The following SLC38A4 variants were observed in gnomAD, a reference collection of about 807,000 sequenced individuals.
SLC38A4 encodes solute carrier family 38 member 4.
A neutral mutation model predicts 63.1 loss-of-function variants in SLC38A4; 20 were observed. That is an observed-to-expected ratio of 0.32 (90% CI 0.22 to 0.46). The LOEUF (loss-of-function observed/expected upper bound fraction) is 0.46, where lower values mean the gene tolerates loss of function less well. SLC38A4 is among the 20% of genes least tolerant of loss of function. SLC38A4 has a pLI of 1.00. For missense variants in SLC38A4, 526 were observed against 663.6 expected (o/e 0.79, Z 2.28); for synonymous variants, 230 against 225.5 (o/e 1.02, Z -0.18).
At chr12:46,799,526 G>A (rs1939087322) in intron 2 of SLC38A4, among the ~76,000 whole-genome samples, 2 of 152,090 alleles carry the variant, frequency 1.3e-5, no homozygotes, top group East Asian at 1.9e-4. Flanking sequence ...TGAACCCGGG[G>A]TCGGAGGTTG....
At chr12:46,812,048 G>A (rs1445015918) in intron 1 of SLC38A4, among the ~76,000 whole-genome samples, 2 of 151,928 alleles carry the variant, frequency 1.3e-5, no homozygotes, top group African/African-American at 4.8e-5. Context: ...CAATGCTTAA[G>A]TTAATTATAT....
At chr12:46,780,210 C>T (rs1172032296) in intron 7 of SLC38A4, among the ~76,000 whole-genome samples, 180 bp from the exon 8 acceptor site, 4 of 152,022 alleles carry the variant, frequency 2.6e-5, no homozygotes, top group Non-Finnish European at 4.4e-5. Context: ...CCTTCCAGCT[C>T]TTTCAGGTGG....
chr12:46,785,287 C>T (rs1938734815), intron 5 of SLC38A4, 110 bp from the exon 6 acceptor site: 4 of 865,154 alleles, frequency 4.6e-6, no homozygotes, highest in Non-Finnish European at 5.5e-6. Context: ...ATCAGCTTTC[C>T]AAAAGTATGT....
Position 46,815,094 on chromosome 12 carries a change from A to G in SLC38A4, c.-305+10809T>C, listed in dbSNP as rs142826557. 2.4e-3 allele frequency among the ~76,000 whole-genome samples: 369 copies of G among 151,812 alleles called. 2 individuals carry two copies. The highest frequency in any genetic ancestry group is 4.1e-3 in the Non-Finnish European group (278 of 67,848). On this transcript the variant is annotated intron_variant, in intron 1 of 16. Transcript: ENST00000266579. ...AAACAATTTTCTTCCAAAGCTTTGC[A>G]TTATCTCATGTAATCACAGTTATTC...
chr12:46,771,155 A>G (rs1938408058), intron 14 of SLC38A4, among the ~76,000 whole-genome samples: 1 of 152,150 alleles, frequency 6.6e-6, no homozygotes, highest in South Asian at 2.1e-4. Context: ...TGAGGAAAGC[A>G]AATGGTGTGA....
At chr12:46,815,264 TATATATATATATATATATATACACACAC>T (rs1372191682) in intron 1 of SLC38A4, among the ~76,000 whole-genome samples, 2 of 129,640 alleles carry the variant, frequency 1.5e-5, no homozygotes, top group African/African-American at 6.2e-5. Context: ...TATATATATA[TATATATATATATATATATATACACACAC>T]ACACACACAC....
rs1405651299 is a variant in SLC38A4, at chr12:46,778,315, G to A, written c.1047C>T (p.Val349=). ...LVFAFVCHPE[V]LPIYSELKDR... is the part of the protein sequence containing the mutation. Reference sequence around the variant, plus strand: ...CTTTAAGTTCACTGTAGATGGGAAGGACCTCAGGGTGGCATACAAAAGCAA... The same window carrying A: ...CTTTAAGTTCACTGTAGATGGGAAGAACCTCAGGGTGGCATACAAAAGCAA... The change falls in exon 12 of 17, where the codon GTC becomes GTT. Residue 349 remains valine (V), a synonymous_variant. Transcript: ENST00000266579. The A allele has an allele frequency of 2.5e-6, 4 of 1,612,512 alleles. No individual in the cohort carries two copies. Among genetic ancestry groups the A allele is most frequent in the African/African-American group, 1.3e-5 (1 of 74,788 alleles).
chr12:46,769,493 T>A, intron 14 of SLC38A4, 65 bp from the exon 15 acceptor site: 1 of 1,532,340 alleles, frequency 6.5e-7, no homozygotes, highest in Non-Finnish European at 9.0e-7. Flanking sequence ...TTACTTCAAA[T>A]ATTCTCATCA....
intron 12 of SLC38A4, among the ~76,000 whole-genome samples, chr12:46,777,912 G>A (rs1007278002): frequency 1.2e-4 from 18 of 151,964 alleles, no homozygotes; most frequent in Non-Finnish European, 1.5e-5. Flanking sequence ...GGCTTATCGA[G>A]GCTGCCCCTA....
Position 46,779,875 on chromosome 12 carries a change from GACAA to G in SLC38A4, c.576-17_576-14del. The G allele has an allele frequency of 4.3e-6, 7 of 1,611,416 alleles. No homozygotes were observed. The highest frequency in any genetic ancestry group is 5.9e-6 in the Non-Finnish European group (7 of 1,178,294). On this transcript the variant is annotated splice_polypyrimidine_tract_variant and intron_variant, in intron 8 of 16. Transcript: ENST00000266579. ...GAGGTACCATTCTCTAGAAGTGAGA[GACAA>G]GGATATTAGAATCAGAAAAGACCAA...
intron 2 of SLC38A4, among the ~76,000 whole-genome samples, chr12:46,798,795 AT>A (rs1160017583): frequency 1.3e-5 from 2 of 151,846 alleles, no homozygotes; most frequent in Non-Finnish European, 2.9e-5. Context: ...GGTGAGTACA[AT>A]TTTTTTTCTT....
At chr12:46,769,236 T>A in intron 15 of SLC38A4, 48 bp downstream of exon 15, 1 of 1,602,336 alleles carries the variant, frequency 6.2e-7, no homozygotes, top group Non-Finnish European at 8.5e-7. Flanking sequence ...CATCATTTAA[T>A]GAGGCGTGAG....
At chr12:46,773,073 T>C (rs1938450202) in intron 14 of SLC38A4, among the ~76,000 whole-genome samples, 4 of 152,112 alleles carry the variant, frequency 2.6e-5, no homozygotes. Flanking sequence ...GAGGACTTGA[T>C]TGAGATCCAC....
rs1202572955 is a variant in SLC38A4, at chr12:46,776,952, G to A, written c.1126C>T (p.Leu376Phe). The A allele has an allele frequency of 1.6e-5, 26 of 1,611,960 alleles. No individual in the cohort carries two copies. Among genetic ancestry groups the A allele is most frequent in the Middle Eastern group, 1.6e-4 (1 of 6,068 alleles). Residue 376 changes from leucine (L) to phenylalanine (F), a missense_variant, in exon 13 of 17, where the codon CTT becomes TTT. Transcript: ENST00000266579. ...TVSNISITGM[L>F]VMYLLAALFG... ...AGGGCGGCAAGCAGGTACATGACAA[G>A]CATCCCCGTGATGGAAATATTTGAC...
At chr12:46,776,855 C>T in intron 13 of SLC38A4, 49 bp downstream of exon 13, 1 of 1,537,818 alleles carries the variant, frequency 6.5e-7, no homozygotes, top group Non-Finnish European at 9.0e-7. Flanking sequence ...GGTCAAGGAC[C>T]AGCCTAACAA....
intron 16 of SLC38A4, among the ~76,000 whole-genome samples, chr12:46,767,057 G>T (rs1384150192): frequency 1.3e-5 from 2 of 151,906 alleles, no homozygotes; most frequent in African/African-American, 4.8e-5. Flanking sequence ...CAAGATGATG[G>T]AATACCCTGT....
chr12:46,806,319 A>T (rs145089407), intron 1 of SLC38A4, among the ~76,000 whole-genome samples: 1 of 152,074 alleles, frequency 6.6e-6, no homozygotes, highest in African/African-American at 2.4e-5. Flanking sequence ...AGACTGCAAA[A>T]GGTGTTAAGT....
intron 5 of SLC38A4, among the ~76,000 whole-genome samples, 192 bp downstream of exon 5, chr12:46,787,724 C>T (rs969475596): frequency 1.3e-5 from 2 of 152,174 alleles, no homozygotes; most frequent in African/African-American, 4.8e-5. Flanking sequence ...GGCGAGGCTG[C>T]TCCAGCACTT....
At chr12:46,800,701 G>C (rs562030096) in intron 2 of SLC38A4, among the ~76,000 whole-genome samples, 2 of 152,162 alleles carry the variant, frequency 1.3e-5, no homozygotes, top group Admixed American at 1.3e-4. Flanking sequence ...ATAATTAACT[G>C]TCTTAGGCAG....
Sources: gnomAD v4.1 joint callset for allele counts (sites outside exome capture counted in the v4.1 genomes callset) on GRCh38, gnomAD v4.1.1 for gene constraint, MANE v1.5 for transcripts, NCBI Gene and HGNC (gene_info 2026-07-23, HGNC 2026-07-21) for gene names.